Variants in OXNAD1 observed in about 807,000 individuals in gnomAD.
OXNAD1 encodes the protein oxidoreductase NAD binding domain containing 1.
In OXNAD1, 34 loss-of-function variants were observed where a neutral mutation model predicts 32.9. That is an observed-to-expected ratio of 1.03 (90% CI 0.79 to 1.38). OXNAD1 has a LOEUF of 1.38. OXNAD1 is among the 40% of genes most tolerant of loss of function. OXNAD1 has a pLI of 0.00. For missense variants in OXNAD1, 407 were observed against 379.4 expected (o/e 1.07, Z -0.60); for synonymous variants, 134 against 135.2 (o/e 0.99, Z 0.06).
At chr3:16,282,772 T>C (rs2125028483) in intron 4 of OXNAD1, among the ~76,000 whole-genome samples, 1 of 148,954 alleles carries the variant, frequency 6.7e-6, no homozygotes, top group Admixed American at 6.8e-5. Context: ...ACAAGCACAG[T>C]GATCCAGGAG....
rs781631054 is a variant in OXNAD1 at position 16,336,052 on chromosome 3, C to T, written c.*31-1060C>T. On this transcript the variant is annotated intron_variant, in intron 9 of 9. Transcript: ENST00000435829. The surrounding 1 kb of genome is among the most constrained non-coding windows in gnomAD (Gnocchi z 6.0). ...GGAGGGTAGAGGTCCTGTTCTCCTA[C>T]GGCCATGGAAAGTGGAGATCTAGAG... is the stretch of plus-strand genomic sequence containing the variant. Among the ~76,000 whole-genome samples the T allele has an allele frequency of 6.6e-6, 1 of 152,150 alleles. No homozygotes were observed. The highest frequency in any genetic ancestry group is 1.5e-5 in the Non-Finnish European group (1 of 68,026).
At position 16,317,742 on chromosome 3, in the gene OXNAD1, A is replaced by G. The variant is rs1457673327; in HGVS notation, c.*30+14150A>G. Among the ~76,000 whole-genome samples the G allele has an allele frequency of 6.7e-6, 1 of 149,936 alleles. No individual in the cohort carries two copies. The highest frequency in any genetic ancestry group is 2.5e-5 in the African/African-American group (1 of 39,562). ...TGCTGTACCGCTCAGATCCCCCCAC[A>G]GGACTGGCGGGCCCGCTCCCCAGCT... On this transcript the variant is annotated intron_variant, in intron 9 of 9. Coordinates refer to the OXNAD1 transcript ENST00000435829. The surrounding 1 kb of genome is among the most constrained non-coding windows in gnomAD (Gnocchi z 4.3).
chr3:16,266,756 G>T (rs2064545998), intron 1 of OXNAD1, among the ~76,000 whole-genome samples: 1 of 152,194 alleles, frequency 6.6e-6, no homozygotes, highest in Non-Finnish European at 1.5e-5. Flanking sequence ...AAGAGAAGGG[G>T]TCAATGTATT....
intron 9 of OXNAD1, among the ~76,000 whole-genome samples, chr3:16,332,468 A>C (rs1006269541): frequency 6.8e-6 from 1 of 146,030 alleles, no homozygotes; most frequent in Non-Finnish European, 1.5e-5. Context: ...CATTTATTTT[A>C]TCTCTTTAAA....
At chr3:16,326,315 A>T (rs568798) in intron 9 of OXNAD1, among the ~76,000 whole-genome samples, 2 of 152,116 alleles carry the variant, frequency 1.3e-5, no homozygotes, top group Non-Finnish European at 2.9e-5. Context: ...ATCTTGGCCA[A>T]GTCCCTCAAC....
At chr3:16,310,991 CAAAAAA>C (rs1003070321), downstream of OXNAD1, among the ~76,000 whole-genome samples, 14 of 57,546 alleles carry the variant, frequency 2.4e-4, no homozygotes, top group African/African-American at 9.2e-4. Context: ...ACTCAGTCTC[CAAAAAA>C]AAAAAAAAAA....
rs1052043190 is a variant in OXNAD1, at chr3:16,269,012, G to A, written c.-158-114G>A. On this transcript the variant is annotated intron_variant, in intron 1 of 8. Transcript: ENST00000285083. ...AGAGGGGGTAATTGAGAGTGGGCTT[G>A]TTGTGAGGTGATGCCTACTGATTTT... 2.1e-5 allele frequency: 19 copies of A among 921,772 alleles called. No individual in the cohort carries two copies. The African/African-American group carries it at 3.3e-4, about 16-fold the overall frequency. 57.1% of individuals were successfully genotyped at this position (921,772 alleles called of 1,614,324 possible). A position where few individuals can be genotyped will look rare whatever the true frequency, so the allele number is the denominator to read the frequency against.
chr3:16,331,292 AT>A (rs1159774449), intron 9 of OXNAD1, among the ~76,000 whole-genome samples: 2 of 152,224 alleles, frequency 1.3e-5, no homozygotes, highest in Non-Finnish European at 2.9e-5. Flanking sequence ...TATTTTACTT[AT>A]CAGTTTTAGG....
intron 9 of OXNAD1, chr3:16,326,688 T>G: frequency 1.0e-6 from 1 of 984,494 alleles, no homozygotes; most frequent in South Asian, 1.5e-5. Flanking sequence ...ATTAAATAAT[T>G]TATAGACGTG....
intron 4 of OXNAD1, among the ~76,000 whole-genome samples, chr3:16,282,186 TA>T (rs2065792568): frequency 6.6e-6 from 1 of 151,708 alleles, no homozygotes; most frequent in Non-Finnish European, 1.5e-5. Context: ...AATGAAGTAA[TA>T]GAGACCTCTG....
intron 9 of OXNAD1, among the ~76,000 whole-genome samples, chr3:16,333,890 G>A (rs2070584024): frequency 6.6e-6 from 1 of 152,228 alleles, no homozygotes; most frequent in Admixed American, 6.5e-5. Context: ...TACCAGCCGG[G>A]CGTGGTGGCT....
In OXNAD1 at chr3:16,299,399, C is replaced by T. The variant is rs1028184726; in HGVS notation, c.433-2227C>T. Among the ~76,000 whole-genome samples the T allele has an allele frequency of 1.9e-4, 29 of 152,166 alleles. No individual in the cohort carries two copies. The highest frequency in any genetic ancestry group is 2.4e-4 in the Non-Finnish European group (16 of 68,032). On this transcript the variant is annotated intron_variant, in intron 6 of 8. Transcript: ENST00000285083. This position sits in a 1 kb window ranked among gnomAD's most constrained non-coding sequence, Gnocchi z 4.4. ...TTTTAGTTATTCCTAACTGAATGCTCCCTTGCTGCTAATTTCTTTTGTCAA... is the reference window on the plus strand; with the variant it reads ...TTTTAGTTATTCCTAACTGAATGCTTCCTTGCTGCTAATTTCTTTTGTCAA...
Position 16,321,141 on chromosome 3 carries a change from T to G in OXNAD1, c.*31-15971T>G, listed in dbSNP as rs1469047961. On this transcript the variant is annotated intron_variant, in intron 9 of 9. Coordinates refer to the OXNAD1 transcript ENST00000435829. The surrounding 1 kb of genome is among the most constrained non-coding windows in gnomAD (Gnocchi z 4.8). ...TGCAATGCCATTCCTCTAGATAGGG[T>G]GGCGGTTGGCCAGGTGGGCGAGGTA... Among the ~76,000 whole-genome samples the G allele has an allele frequency of 6.6e-6, 1 of 151,504 alleles. No homozygotes were observed. Among genetic ancestry groups the G allele is most frequent in the East Asian group, 1.9e-4 (1 of 5,160 alleles).
In OXNAD1 at chr3:16,344,623, T is replaced by A. The variant is rs1019263269; in HGVS notation, c.*31-4553T>A. ...ATCAGGTCTCTTCAGGTCCACCACC[T>A]TCTAGATCACTGCACAAGCCCCTGA... On this transcript the variant is annotated intron_variant, in intron 9 of 9. Coordinates refer to the OXNAD1 transcript ENST00000606098. The surrounding 1 kb of genome is among the most constrained non-coding windows in gnomAD (Gnocchi z 4.4). Among the ~76,000 whole-genome samples, 1 of 152,130 alleles carries A rather than the reference T, an allele frequency of 6.6e-6. No individual in the cohort carries two copies. Among genetic ancestry groups the A allele is most frequent in the African/African-American group, 2.4e-5 (1 of 41,426 alleles).
chr3:16,316,943 G>A lies in OXNAD1; in HGVS notation c.*30+13351G>A. The A allele has an allele frequency of 6.2e-7, 1 of 1,614,000 alleles. No individual in the cohort carries two copies. Among genetic ancestry groups the A allele is most frequent in the Non-Finnish European group, 8.5e-7 (1 of 1,179,982 alleles). ...CCCCACCAGGGCCCTGCTGTGGCTGGCAGGACCATTCTGCACAGCCTCACC... is the reference window on the plus strand; with the variant it reads ...CCCCACCAGGGCCCTGCTGTGGCTGACAGGACCATTCTGCACAGCCTCACC... On this transcript the variant is annotated intron_variant, in intron 9 of 9. Coordinates refer to the OXNAD1 transcript ENST00000435829. This position sits in a 1 kb window ranked among gnomAD's most constrained non-coding sequence, Gnocchi z 4.5.
downstream of OXNAD1, among the ~76,000 whole-genome samples, chr3:16,342,134 T>C (rs1381146074): frequency 6.6e-6 from 1 of 152,166 alleles, no homozygotes; most frequent in Admixed American, 6.5e-5. The surrounding 1 kb of genome is among the most constrained non-coding windows in gnomAD (Gnocchi z 4.0). Flanking sequence ...ATCACCACAA[T>C]CTAAGTTTAG....
chr3:16,282,037 ATTTTTTTT>A (rs779324288), intron 4 of OXNAD1, among the ~76,000 whole-genome samples: 3,891 of 95,676 alleles, frequency 0.041, 79 homozygotes, highest in Middle Eastern at 0.13. Context: ...AATGTTTGTA[ATTTTTTTT>A]TTTTTTTTTT....
At position 16,303,663 on chromosome 3, in the gene OXNAD1, C is replaced by G; in HGVS notation, c.*101C>G. On this transcript the variant is annotated 3_prime_UTR_variant, in exon 9 of 9. Transcript: ENST00000285083. The surrounding 1 kb of genome is among the most constrained non-coding windows in gnomAD (Gnocchi z 4.8). ...TTTTTTTTATCTCTACTTGAGTTGTCTTATTTTTTAAGGCTATAAACTTAG... is the reference window on the plus strand; with the variant it reads ...TTTTTTTTATCTCTACTTGAGTTGTGTTATTTTTTAAGGCTATAAACTTAG... The G allele has an allele frequency of 7.8e-7, 1 of 1,289,370 alleles. No homozygotes were observed. Among genetic ancestry groups the G allele is most frequent in the Non-Finnish European group, 1.0e-6 (1 of 970,006 alleles). The allele number at this position is 1,289,370 out of a possible 1,614,324, so 79.9% of individuals were successfully genotyped here.
intron 4 of OXNAD1, among the ~76,000 whole-genome samples, chr3:16,282,037 A>G (rs1000986565): frequency 1.6e-4 from 15 of 95,726 alleles, no homozygotes; most frequent in Non-Finnish European, 2.2e-4. Flanking sequence ...AATGTTTGTA[A>G]TTTTTTTTTT....
Sources: gnomAD v4.1 joint callset for allele counts (sites outside exome capture counted in the v4.1 genomes callset) on GRCh38, gnomAD v4.1.1 for gene constraint, Gnocchi (gnomAD v3.1) non-coding constraint, MANE v1.5 for transcripts, NCBI Gene and HGNC (gene_info 2026-07-23, HGNC 2026-07-21) for gene names.